Variants in OGDH observed in about 807,000 individuals in gnomAD.
OGDH encodes the protein oxoglutarate dehydrogenase.
Under a neutral mutation model 116.6 loss-of-function variants are expected in OGDH, and 38 were observed. That is an observed-to-expected ratio of 0.33 (90% confidence interval 0.25 to 0.43). The LOEUF (loss-of-function observed/expected upper bound fraction) is 0.43. Ranked by LOEUF, OGDH falls within the 20% of genes least tolerant of loss-of-function variation. OGDH has a pLI of 1.00. For synonymous variants in OGDH, 488 were observed against 533.3 expected, an observed-to-expected ratio of 0.92 and a Z score of 1.17; for missense variants, 825 against 1,357.2, an observed-to-expected ratio of 0.61 and a Z score of 6.16.
intron 20 of OGDH, among the ~76,000 whole-genome samples, chr7:44,706,941 C>T (rs1041459471): frequency 6.6e-6 from 1 of 152,176 alleles, no homozygotes; most frequent in African/African-American, 2.4e-5. Context: ...TTTAATAATA[C>T]TCTTGTCCCC....
At chr7:44,648,924 G>A (rs147805219) in intron 4 of OGDH, among the ~76,000 whole-genome samples, 19 of 152,244 alleles carry the variant, frequency 1.2e-4, no homozygotes, top group Non-Finnish European at 2.4e-4. Context: ...GTGCTCCCAA[G>A]AAGAGGGCCT....
chr7:44,706,083 C>CA (rs547884615), intron 20 of OGDH, among the ~76,000 whole-genome samples: 188 of 152,234 alleles, frequency 1.2e-3, no homozygotes, highest in Non-Finnish European at 2.3e-3. Context: ...GCTGGGAACA[C>CA]AAGGTGTGCA....
At chr7:44,635,921 T>A (rs1393483405) in intron 2 of OGDH, among the ~76,000 whole-genome samples, 2 of 152,154 alleles carry the variant, frequency 1.3e-5, no homozygotes, top group African/African-American at 4.8e-5. Context: ...GCCAGGATGG[T>A]CTCAATCTCC....
chr7:44,673,878 G>A lies in OGDH; in HGVS notation c.725G>A (p.Gly242Glu), dbSNP rs1787575436. 1.4e-5 allele frequency: 22 copies of A among 1,614,066 alleles called. No individual in the cohort carries two copies. Among genetic ancestry groups the A allele is most frequent in the Non-Finnish European group, 1.8e-5 (21 of 1,180,038 alleles). ...ATCCGGCAGAAGTTTGAGACCCCTG[G>A]GATCATGCAGTTCACAAATGAGGAG... ...QWIRQKFETP[G>E]IMQFTNEEKR... The change falls in exon 6 of 23, where the codon GGG (glycine) becomes GAG (glutamate). Residue 242 changes from glycine (G) to glutamate (E), a missense_variant. Transcript: ENST00000222673.
chr7:44,630,151 G>A (rs1785377513), intron 2 of OGDH, among the ~76,000 whole-genome samples: 2 of 152,236 alleles, frequency 1.3e-5, no homozygotes, highest in African/African-American at 4.8e-5. Context: ...CCATTATGCA[G>A]TGTTATGGGC....
intron 2 of OGDH, among the ~76,000 whole-genome samples, chr7:44,630,673 C>T (rs565604255): frequency 3.9e-5 from 6 of 152,294 alleles, no homozygotes; most frequent in African/African-American, 1.4e-4. Flanking sequence ...CACGTTCTCC[C>T]ATATACTTTA....
chr7:44,690,930 C>G (rs1788337565), intron 10 of OGDH, among the ~76,000 whole-genome samples: 1 of 152,204 alleles, frequency 6.6e-6, no homozygotes, highest in South Asian at 2.1e-4. Context: ...CTCTGATACA[C>G]CATTTTTTTT....
chr7:44,611,259 T>A (rs1784553026), intron 1 of OGDH, among the ~76,000 whole-genome samples: 1 of 151,732 alleles, frequency 6.6e-6, no homozygotes. Context: ...ATTTTTGTAT[T>A]TTTTGTTTTT....
chr7:44,656,461 C>T, intron 4 of OGDH: 2 of 1,018,710 alleles, frequency 2.0e-6, no homozygotes, highest in Non-Finnish European at 2.9e-6. Context: ...AAAGTTGACG[C>T]AACTTCTGTC....
At chr7:44,613,618 C>T (rs1486922961) in intron 1 of OGDH, among the ~76,000 whole-genome samples, 1 of 152,058 alleles carries the variant, frequency 6.6e-6, no homozygotes, top group African/African-American at 2.4e-5. Context: ...CTCGGCCTCC[C>T]AAAGTGCTGG....
intron 4 of OGDH, among the ~76,000 whole-genome samples, chr7:44,652,291 G>A (rs1374523325): frequency 2.6e-5 from 4 of 151,656 alleles, no homozygotes; most frequent in African/African-American, 7.3e-5. Context: ...TGTATTTTTA[G>A]TAGAGACCGG....
rs190168056 is a variant in OGDH at position 44,706,002 on chromosome 7, T to C, written c.2633-1223T>C. Among the ~76,000 whole-genome samples, 33 of 152,302 alleles carry C rather than the reference T, an allele frequency of 2.2e-4. No individual in the cohort carries two copies. In the East Asian group the frequency reaches 5.0e-3, roughly 23 times the overall value. Reference sequence around the variant, plus strand: ...TCACCCAGGTTGGAGTGCAGAGGCATGGTCATCATGGTTCACTGTAACCTC... The same window carrying C: ...TCACCCAGGTTGGAGTGCAGAGGCACGGTCATCATGGTTCACTGTAACCTC... On this transcript the variant is annotated intron_variant, in intron 20 of 22. Coordinates refer to ENST00000222673, the MANE Select transcript of OGDH (RefSeq NM_002541.4).
rs181814257 is a variant in OGDH at position 44,656,828 on chromosome 7, G to A, written c.517+9069G>A. Among the ~76,000 whole-genome samples the A allele has an allele frequency of 1.9e-4, 29 of 152,196 alleles. No individual in the cohort carries two copies. The East Asian group carries it at 5.2e-3, about 27-fold the overall frequency. On this transcript the variant is annotated intron_variant, in intron 4 of 22. Coordinates refer to ENST00000222673, the MANE Select transcript of OGDH (RefSeq NM_002541.4). ...TTTCCAAAATGTTTTATGTTTGAAG[G>A]CCAACTGAAGTATTAATAAAAACTT... is the stretch of plus-strand genomic sequence containing the variant.
At chr7:44,644,999 G>A (rs73327396) in intron 2 of OGDH, among the ~76,000 whole-genome samples, 14,775 of 152,210 alleles carry the variant, frequency 0.097, 1,438 homozygotes, top group East Asian at 0.39. Flanking sequence ...CTGTCCCCAG[G>A]CCCAGTGAAT....
intron 2 of OGDH, 50 bp from the exon 3 acceptor site, chr7:44,645,277 C>A: frequency 6.4e-7 from 1 of 1,553,186 alleles, no homozygotes; most frequent in South Asian, 1.2e-5. Context: ...ACAGATGCAT[C>A]CTGGACTTAG....
chr7:44,622,962 G>A (rs1477197390), intron 1 of OGDH: 2 of 152,212 alleles, frequency 1.3e-5, no homozygotes, highest in Non-Finnish European at 2.9e-5. Flanking sequence ...GTATGAGTCA[G>A]ATGCGTAGAG....
intron 1 of OGDH, among the ~76,000 whole-genome samples, chr7:44,613,224 G>A (rs1161414577): frequency 1.3e-5 from 2 of 151,930 alleles, no homozygotes; most frequent in Admixed American, 6.6e-5. Context: ...CGCCCAGGCT[G>A]GAATGCAGTG....
At chr7:44,675,320 C>A in intron 8 of OGDH, 52 bp downstream of exon 8, 1 of 1,411,880 alleles carries the variant, frequency 7.1e-7, no homozygotes, top group South Asian at 1.2e-5. Context: ...TTACACAAGA[C>A]CCCTGGCTCC....
intron 10 of OGDH, among the ~76,000 whole-genome samples, chr7:44,686,841 C>T (rs991149174): frequency 1.6e-4 from 24 of 151,540 alleles, no homozygotes; most frequent in Admixed American, 3.9e-4. Flanking sequence ...GCGCCTGCCA[C>T]CACACCCAGC....
Sources: gnomAD v4.1 joint callset for allele counts (sites outside exome capture counted in the v4.1 genomes callset) on GRCh38, gnomAD v4.1.1 for gene constraint, MANE v1.5 for transcripts, NCBI Gene and HGNC (gene_info 2026-07-23, HGNC 2026-07-21) for gene names.